Variants in OPA3 observed in about 807,000 individuals in gnomAD.
OPA3 encodes optic atrophy 3 protein.
Under a neutral mutation model 4.0 loss-of-function variants are expected in OPA3, and 6 were observed. The ratio of observed to expected loss-of-function variants is 1.51; its 90% confidence interval spans 0.83 to 2.99. OPA3 has a LOEUF of 2.99. OPA3 is among the 30% of genes most tolerant of loss of function. The pLI, the probability that OPA3 is intolerant of heterozygous loss-of-function variation, is 0.00. For missense variants in OPA3, 235 were observed against 256.2 expected (o/e 0.92, Z 0.56); for synonymous variants, 105 against 117.1 (o/e 0.90, Z 0.67).
At position 45,553,226 on chromosome 19, in the gene OPA3, T is replaced by G; in HGVS notation, c.*288A>C. ...CTCAAGACCAGGTTCCATTTTTTCATTTGCCAGAGTGCCCACGGTGTCCTG... is the reference window on the plus strand; with the variant it reads ...CTCAAGACCAGGTTCCATTTTTTCAGTTGCCAGAGTGCCCACGGTGTCCTG... On this transcript the variant is annotated 3_prime_UTR_variant, in exon 2 of 2. Transcript: ENST00000263275. 1 of 1,388,142 alleles carries G rather than the reference T, an allele frequency of 7.2e-7. No individual in the cohort carries two copies. The highest frequency in any genetic ancestry group is 9.3e-7 in the Non-Finnish European group (1 of 1,071,256). 86.0% of individuals were successfully genotyped at this position (1,388,142 alleles called of 1,614,324 possible).
At chr19:45,577,552 G>T (rs1476314166) in intron 1 of OPA3, among the ~76,000 whole-genome samples, 1 of 152,160 alleles carries the variant, frequency 6.6e-6, no homozygotes, top group African/African-American at 2.4e-5. Flanking sequence ...TGTCCAACCT[G>T]CCCCTCCTCC....
chr19:45,531,879 C>A (rs1969064801), intron 1 of OPA3, among the ~76,000 whole-genome samples: 1 of 152,148 alleles, frequency 6.6e-6, no homozygotes, highest in Non-Finnish European at 1.5e-5. Flanking sequence ...TCTCTTTAGC[C>A]CTTCGAATTT....
At chr19:45,582,224 G>T (rs778176118) in intron 1 of OPA3, among the ~76,000 whole-genome samples, 1 of 151,006 alleles carries the variant, frequency 6.6e-6, no homozygotes, top group Admixed American at 6.6e-5. Flanking sequence ...GAAGTGACGC[G>T]ATCTTGGCTC....
At chr19:45,542,039 C>G (rs1335925687), downstream of OPA3, among the ~76,000 whole-genome samples, 1 of 152,180 alleles carries the variant, frequency 6.6e-6, no homozygotes, top group African/African-American at 2.4e-5. Flanking sequence ...AGACAGGCTC[C>G]TTGCTGGGAA....
downstream of OPA3, among the ~76,000 whole-genome samples, chr19:45,544,477 C>T (rs181443587): frequency 6.7e-6 from 1 of 149,276 alleles, no homozygotes; most frequent in African/African-American, 2.5e-5. Flanking sequence ...CTGGCCAACA[C>T]GATGAAACCC....
chr19:45,533,857 A>T (rs933958374), intron 1 of OPA3, among the ~76,000 whole-genome samples: 3 of 152,240 alleles, frequency 2.0e-5, no homozygotes, highest in Non-Finnish European at 4.4e-5. Flanking sequence ...AAGGCACCAT[A>T]GCCACCATTA....
chr19:45,583,714 C>G (rs1239947800), intron 1 of OPA3, among the ~76,000 whole-genome samples: 2 of 151,342 alleles, frequency 1.3e-5, no homozygotes, highest in Non-Finnish European at 2.9e-5. Context: ...GTTGGCCAGG[C>G]TGGTCTCGAA....
intron 1 of OPA3, among the ~76,000 whole-genome samples, chr19:45,580,958 T>A (rs1257904868): frequency 1.3e-5 from 2 of 152,082 alleles, no homozygotes; most frequent in African/African-American, 2.4e-5. Flanking sequence ...AATGTCACAG[T>A]GTTTGGAAGA....
chr19:45,529,094 G>A, exon 2 of OPA3: 1 of 1,600,288 alleles, frequency 6.2e-7, no homozygotes, highest in Non-Finnish European at 8.5e-7. Flanking sequence ...GGTGCAGGCG[G>A]CGGGTCTCGG....
intron 1 of OPA3, among the ~76,000 whole-genome samples, chr19:45,540,810 A>G (rs550599128): frequency 6.6e-5 from 10 of 151,742 alleles, no homozygotes; most frequent in Admixed American, 6.6e-4. Flanking sequence ...CTCAAAAAAA[A>G]AACAAGCAAA....
At chr19:45,563,751 T>TC (rs1299309500) in intron 1 of OPA3, among the ~76,000 whole-genome samples, 4 of 151,790 alleles carry the variant, frequency 2.6e-5, no homozygotes, top group Admixed American at 6.6e-5. Flanking sequence ...AGATGGGGTT[T>TC]CACCATGTTG....
At chr19:45,530,563 G>A (rs1330787727) in intron 1 of OPA3, among the ~76,000 whole-genome samples, 2 of 151,520 alleles carry the variant, frequency 1.3e-5, no homozygotes, top group Non-Finnish European at 2.9e-5. Flanking sequence ...AGGCTGTAGT[G>A]CAGTGACACT....
Position 45,536,318 on chromosome 19 carries a change from C to T in OPA3, c.143-6862G>A, listed in dbSNP as rs562203868. ...CAGCACTCTGGGAGGCTGAGGCAGG[C>T]GGATCACATGAGGTCAGGAGTTTGA... On this transcript the variant is annotated intron_variant, in intron 1 of 1. Transcript: ENST00000323060. Among the ~76,000 whole-genome samples, 548 of 150,806 alleles carry T rather than the reference C, an allele frequency of 3.6e-3. 2 individuals are homozygous for T. Among genetic ancestry groups the T allele is most frequent in the African/African-American group, 0.012 (509 of 41,040 alleles).
chr19:45,573,487 T>C (rs1222816089), intron 1 of OPA3, among the ~76,000 whole-genome samples: 2 of 151,974 alleles, frequency 1.3e-5, no homozygotes, highest in Non-Finnish European at 2.9e-5. Context: ...AATAAGTAAA[T>C]AAACATGTAC....
intron 1 of OPA3, among the ~76,000 whole-genome samples, chr19:45,581,596 C>T (rs1379148482): frequency 6.6e-6 from 1 of 152,224 alleles, no homozygotes; most frequent in Non-Finnish European, 1.5e-5. Flanking sequence ...GTTTCGCCAG[C>T]ATTGCCAGCA....
rs1430236046 is a variant in OPA3, at chr19:45,561,889, C to T, written c.143-7978G>A. Among the ~76,000 whole-genome samples, 12 of 149,982 alleles carry T rather than the reference C, an allele frequency of 8.0e-5. No homozygotes were observed. The East Asian group carries it at 1.8e-3, about 22-fold the overall frequency. The stretch of plus-strand genomic sequence containing the variant: ...CCGGGAGGCAGAGGCTGCAGTGAGC[C>T]GAGACCATGCCAGTCAGTGCACTCC... On this transcript the variant is annotated intron_variant, in intron 1 of 1. Coordinates refer to ENST00000263275, the MANE Select transcript of OPA3 (RefSeq NM_025136.4).
intron 1 of OPA3, among the ~76,000 whole-genome samples, chr19:45,581,338 T>C (rs1969852570): frequency 6.6e-6 from 1 of 152,164 alleles, no homozygotes; most frequent in African/African-American, 2.4e-5. Flanking sequence ...CTTAATCATG[T>C]GGGCTTTGTG....
chr19:45,539,524 C>A (rs1969159330), intron 1 of OPA3, among the ~76,000 whole-genome samples: 1 of 152,094 alleles, frequency 6.6e-6, no homozygotes, highest in Non-Finnish European at 1.5e-5. Flanking sequence ...ACTATATTGC[C>A]CAGGCTGGTC....
rs1348303264 is a variant in OPA3 at position 45,553,306 on chromosome 19, G to A, written c.*208C>T. 2.1e-6 allele frequency: 3 copies of A among 1,448,656 alleles called. No homozygotes were observed. The highest frequency in any genetic ancestry group is 2.7e-6 in the Non-Finnish European group (3 of 1,103,012). The allele number at this position is 1,448,656 out of a possible 1,614,324, so 89.7% of individuals were successfully genotyped here. On this transcript the variant is annotated 3_prime_UTR_variant, in exon 2 of 2. Coordinates refer to ENST00000263275, the MANE Select transcript of OPA3 (RefSeq NM_025136.4). ...TTGGAGTGGGGGATAGGAGGTGAAG[G>A]ATGATGGAGGGGGCTATGTTGCAAC... is the stretch of plus-strand genomic sequence containing the variant.
Sources: allele counts gnomAD v4.1 joint callset (sites outside exome capture counted in the v4.1 genomes callset), GRCh38; gene constraint gnomAD v4.1.1; transcripts MANE v1.5; gene names NCBI Gene and HGNC (gene_info 2026-07-23, HGNC 2026-07-21).